PCDH15: variants seen among roughly 807,000 people sequenced by gnomAD.
PCDH15 encodes protocadherin related 15, also known as protocadherin-15.
In PCDH15, 129 loss-of-function variants were observed where a neutral mutation model predicts 178.5. The ratio of observed to expected loss-of-function variants is 0.72; its 90% CI spans 0.63 to 0.84. The LOEUF (loss-of-function observed/expected upper bound fraction) is 0.84, where lower values mean the gene tolerates loss of function less well. Among genes scored for constraint, PCDH15 ranks in the 40% least tolerant of loss-of-function variants. PCDH15 has a pLI of 0.00. For missense variants in PCDH15, 2,230 were observed against 2,099.9 expected (o/e 1.06, Z -1.21); for synonymous variants, 800 against 732.0 (o/e 1.09, Z -1.50).
chr10:55,231,876 T>C (rs912146657), intron 1 of PCDH15, among the ~76,000 whole-genome samples: 3 of 151,934 alleles, frequency 2.0e-5, no homozygotes, highest in Non-Finnish European at 4.4e-5. Flanking sequence ...CTTTTTTCTG[T>C]AAAGAACAAG....
intron 16 of PCDH15, among the ~76,000 whole-genome samples, chr10:54,083,018 G>A (rs1471859705): frequency 6.6e-6 from 1 of 151,952 alleles, no homozygotes; most frequent in Non-Finnish European, 1.5e-5. Context: ...TATGTCATTA[G>A]TCATCAGGCA....
intron 25 of PCDH15, among the ~76,000 whole-genome samples, chr10:53,931,709 T>G (rs1002529197): frequency 4.6e-5 from 7 of 152,140 alleles, no homozygotes; most frequent in African/African-American, 1.7e-4. Flanking sequence ...TTTTATAATT[T>G]TTAAAAAAAT....
intron 2 of PCDH15, among the ~76,000 whole-genome samples, chr10:55,457,564 G>A (rs1839581105): frequency 6.6e-6 from 1 of 151,974 alleles, no homozygotes; most frequent in African/African-American, 2.4e-5. Flanking sequence ...ATCCAAGAAG[G>A]GCCAGACCCT....
intron 2 of PCDH15, among the ~76,000 whole-genome samples, chr10:54,577,317 C>T (rs1303726032): frequency 1.3e-5 from 2 of 149,872 alleles, no homozygotes; most frequent in South Asian, 4.2e-4. Context: ...TAGTCTCGAT[C>T]TCCTGACCTT....
chr10:53,874,942 T>C (rs1429653922), intron 26 of PCDH15, among the ~76,000 whole-genome samples: 1 of 152,030 alleles, frequency 6.6e-6, no homozygotes, highest in Non-Finnish European at 1.5e-5. Context: ...GATGGGATTG[T>C]TAGCAGGTTA....
intron 1 of PCDH15, among the ~76,000 whole-genome samples, chr10:55,272,380 ATATT>A (rs1842467950): frequency 6.7e-6 from 1 of 149,714 alleles, no homozygotes; most frequent in Non-Finnish European, 1.5e-5. Flanking sequence ...ATTTATATTT[ATATT>A]TATTTAATTT....
At chr10:55,416,281 T>C (rs1345778695) in intron 2 of PCDH15, among the ~76,000 whole-genome samples, 4 of 151,798 alleles carry the variant, frequency 2.6e-5, no homozygotes, top group African/African-American at 9.7e-5. Flanking sequence ...TACATTCTCC[T>C]GGTTATCGGA....
intron 3 of PCDH15, among the ~76,000 whole-genome samples, chr10:54,836,585 AT>A (rs1458116432): frequency 2.6e-5 from 4 of 152,096 alleles, no homozygotes; most frequent in Admixed American, 6.6e-5. Context: ...ATTTGTGTGT[AT>A]TTTTTTGAAA....
At chr10:54,222,811 T>C (rs2052993944) in intron 9 of PCDH15, among the ~76,000 whole-genome samples, 1 of 152,242 alleles carries the variant, frequency 6.6e-6, no homozygotes, top group South Asian at 2.1e-4. Flanking sequence ...TCTGCCATTT[T>C]ATAATTGTCT....
chr10:54,355,065 T>C (rs2795935), intron 5 of PCDH15, among the ~76,000 whole-genome samples: 16,556 of 148,704 alleles, frequency 0.11, 1,689 homozygotes, highest in African/African-American at 0.27. Context: ...GGAGAAACTC[T>C]TGGTTTTCAA....
chr10:54,441,264 T>G (rs1169735998), intron 3 of PCDH15, among the ~76,000 whole-genome samples: 1 of 151,952 alleles, frequency 6.6e-6, no homozygotes, highest in African/African-American at 2.4e-5. Context: ...AAAGGTGTTT[T>G]TATTAATATA....
intron 2 of PCDH15, among the ~76,000 whole-genome samples, chr10:55,019,741 G>A (rs1922153): frequency 0.57 from 86,466 of 151,910 alleles, 24,931 homozygotes; most frequent in East Asian, 0.74. Context: ...CATACCCTTC[G>A]GAGTTCTTGG....
intron 2 of PCDH15, among the ~76,000 whole-genome samples, chr10:55,068,574 C>T (rs1217213466): frequency 3.3e-5 from 5 of 151,984 alleles, no homozygotes; most frequent in African/African-American, 9.7e-5. Context: ...TTTGGCTCTT[C>T]TGGATATTTT....
chr10:55,025,904 T>C (rs1043706315), intron 2 of PCDH15, among the ~76,000 whole-genome samples: 2 of 151,988 alleles, frequency 1.3e-5, no homozygotes, highest in African/African-American at 4.8e-5. Flanking sequence ...GATTATAAGA[T>C]TACATTTGAT....
intron 2 of PCDH15, among the ~76,000 whole-genome samples, chr10:55,518,563 T>A (rs1841076313): frequency 6.6e-6 from 1 of 151,804 alleles, no homozygotes; most frequent in African/African-American, 2.4e-5. Context: ...TTGGGTAACT[T>A]CCAAACTTCA....
chr10:54,427,278 T>TTC lies in PCDH15; in HGVS notation c.158-48337_158-48336insGA, dbSNP rs1169673891. On this transcript the variant is annotated intron_variant, in intron 3 of 37. Transcript: ENST00000644397. Reference sequence around the variant, plus strand: ...TCTTTCTCTTTTTCTGGTTTTTTTTTTTTTTTTTTTTTTTTTTGAGACTGG... The same window carrying TTC: ...TCTTTCTCTTTTTCTGGTTTTTTTTTTCTTTTTTTTTTTTTTTTTGAGACTGG... Among the ~76,000 whole-genome samples, 386 of 135,578 alleles carry TTC rather than the reference T, an allele frequency of 2.8e-3. 9 individuals carry two copies. In the South Asian group the frequency reaches 0.04, roughly 14 times the overall value. The allele number at this position is 135,578 out of a possible 152,430, so 88.9% of individuals were successfully genotyped here. A position where few individuals can be genotyped will look rare whatever the true frequency, so the allele number is the denominator to read the frequency against.
At chr10:54,571,875 C>T (rs1210770812) in intron 2 of PCDH15, among the ~76,000 whole-genome samples, 1 of 152,066 alleles carries the variant, frequency 6.6e-6, no homozygotes, top group Non-Finnish European at 1.5e-5. Context: ...GTGAAAATTT[C>T]TAGAGGGAAT....
chr10:55,311,500 G>T (rs1334089377), intron 1 of PCDH15, among the ~76,000 whole-genome samples: 1 of 152,104 alleles, frequency 6.6e-6, no homozygotes, highest in Non-Finnish European at 1.5e-5. Flanking sequence ...GCCCCATGAA[G>T]GTTTACCGAA....
At position 54,664,478 on chromosome 10, in the gene PCDH15, A is replaced by T. The variant is rs968078428; in HGVS notation, c.-28-188T>A. 2.0e-5 allele frequency among the ~76,000 whole-genome samples: 3 copies of T among 152,038 alleles called. No individual in the cohort carries two copies. In the East Asian group the frequency reaches 5.8e-4, roughly 29 times the overall value. On this transcript the variant is annotated intron_variant, in intron 1 of 37. Transcript: ENST00000644397. ...TGTTTATCAACATAAATTTGCAGAC[A>T]AGTAATCTCTAAGGAAAGACATCTT...
Sources: gnomAD v4.1 joint callset for allele counts (sites outside exome capture counted in the v4.1 genomes callset) on GRCh38, gnomAD v4.1.1 for gene constraint, MANE v1.5 for transcripts, NCBI Gene and HGNC (gene_info 2026-07-23, HGNC 2026-07-21) for gene names.